Variants in TGFA observed in about 807,000 individuals in gnomAD.
TGFA encodes the protein protransforming growth factor alpha.
In TGFA, 12 loss-of-function variants were observed where a neutral mutation model predicts 21.7. The ratio of observed to expected loss-of-function variants is 0.55; its 90% confidence interval spans 0.35 to 0.90. TGFA has a LOEUF of 0.90. Among genes scored for constraint, TGFA ranks in the 40% least tolerant of loss-of-function variants. TGFA has a pLI of 0.01. For synonymous variants in TGFA, 79 were observed against 88.1 expected (o/e 0.90, Z 0.58); for missense variants, 178 against 210.8 (o/e 0.84, Z 0.96).
At chr2:70,457,613 C>T (rs1553490805) in intron 3 of TGFA, among the ~76,000 whole-genome samples, 1 of 150,990 alleles carries the variant, frequency 6.6e-6, no homozygotes, top group African/African-American at 2.4e-5. Flanking sequence ...GGGATCTCGG[C>T]TCACTGCAAC....
At chr2:70,471,120 C>CA (rs1670735176) in intron 2 of TGFA, among the ~76,000 whole-genome samples, 1 of 149,430 alleles carries the variant, frequency 6.7e-6, no homozygotes, top group East Asian at 2.0e-4. Flanking sequence ...CCCCCCCCAC[C>CA]ATATAACCAA....
intron 1 of TGFA, among the ~76,000 whole-genome samples, chr2:70,525,856 C>T (rs1463142726): frequency 6.6e-6 from 1 of 152,138 alleles, no homozygotes; most frequent in Non-Finnish European, 1.5e-5. Flanking sequence ...GACTAGGGGG[C>T]ACTACTGGTA....
Position 70,512,081 on chromosome 2 carries a change from G to T in TGFA, c.94+2778C>A, listed in dbSNP as rs77357175. Among the ~76,000 whole-genome samples, 494 of 152,224 alleles carry T rather than the reference G, an allele frequency of 3.2e-3. 1 individual carries two copies. Among genetic ancestry groups the T allele is most frequent in the African/African-American group, 0.011 (457 of 41,538 alleles). ...CCAGGGCCTGAGCAGTCCTCTAGGGGACAGGAAGGACACCCTAAAGGAAAG... is the reference window on the plus strand; with the variant it reads ...CCAGGGCCTGAGCAGTCCTCTAGGGTACAGGAAGGACACCCTAAAGGAAAG... On this transcript the variant is annotated intron_variant, in intron 2 of 5. Coordinates refer to ENST00000295400, the MANE Select transcript of TGFA (RefSeq NM_003236.4).
intron 2 of TGFA, among the ~76,000 whole-genome samples, chr2:70,473,593 C>T (rs908194961): frequency 1.1e-4 from 16 of 151,746 alleles, no homozygotes; most frequent in African/African-American, 2.2e-4. Context: ...AGCAGAGTTA[C>T]GGAAAGGGAA....
At chr2:70,479,270 A>G (rs927505407) in intron 2 of TGFA, among the ~76,000 whole-genome samples, 4 of 152,186 alleles carry the variant, frequency 2.6e-5, no homozygotes, top group African/African-American at 9.7e-5. Flanking sequence ...ACGAAATATT[A>G]TATGTCTGAG....
intron 2 of TGFA, among the ~76,000 whole-genome samples, chr2:70,476,996 T>A (rs534151646): frequency 1.3e-5 from 2 of 152,302 alleles, no homozygotes; most frequent in South Asian, 2.1e-4. Flanking sequence ...TATTTTTTTT[T>A]ATAAATTTTC....
At chr2:70,498,061 A>G (rs974459700) in intron 2 of TGFA, among the ~76,000 whole-genome samples, 3 of 152,256 alleles carry the variant, frequency 2.0e-5, no homozygotes, top group East Asian at 3.8e-4. Flanking sequence ...TCCAGTTTAC[A>G]TAACAGTAGC....
At chr2:70,466,529 AC>A (rs1485440937) in intron 2 of TGFA, among the ~76,000 whole-genome samples, 2 of 152,172 alleles carry the variant, frequency 1.3e-5, no homozygotes, top group African/African-American at 4.8e-5. Flanking sequence ...AACCAAAAAA[AC>A]AAACAAACAA....
intron 1 of TGFA, among the ~76,000 whole-genome samples, chr2:70,551,187 G>T (rs545482899): frequency 6.6e-6 from 1 of 152,194 alleles, no homozygotes; most frequent in East Asian, 1.9e-4. Flanking sequence ...AGAAAAACAA[G>T]GCATAGAAAA....
intron 2 of TGFA, among the ~76,000 whole-genome samples, chr2:70,507,117 T>C (rs1553500247): frequency 1.3e-5 from 2 of 152,218 alleles, no homozygotes; most frequent in Non-Finnish European, 2.9e-5. Context: ...GTGTCCCTCA[T>C]GCAAGGCGCC....
At chr2:70,546,345 C>T (rs1673302757) in intron 1 of TGFA, among the ~76,000 whole-genome samples, 1 of 152,020 alleles carries the variant, frequency 6.6e-6, no homozygotes, top group Admixed American at 6.6e-5. Flanking sequence ...TTCAGGGGTA[C>T]ATGTGCAGGT....
At chr2:70,525,248 G>A (rs999163821) in intron 1 of TGFA, among the ~76,000 whole-genome samples, 4 of 152,210 alleles carry the variant, frequency 2.6e-5, no homozygotes, top group African/African-American at 2.4e-5. Flanking sequence ...CCTGCAGAAG[G>A]CATTGTGAGG....
intron 3 of TGFA, among the ~76,000 whole-genome samples, chr2:70,464,933 T>G (rs1240519189): frequency 6.6e-6 from 1 of 152,172 alleles, no homozygotes; most frequent in African/African-American, 2.4e-5. Context: ...TCGAGTGAAT[T>G]TCTTCCCCAA....
chr2:70,512,702 C>G (rs1672139254), intron 2 of TGFA, among the ~76,000 whole-genome samples: 1 of 152,300 alleles, frequency 6.6e-6, no homozygotes, highest in Admixed American at 6.5e-5. Context: ...CCCAAAAGGC[C>G]TAGGCAGGAG....
intron 2 of TGFA, among the ~76,000 whole-genome samples, chr2:70,470,520 G>A (rs1040385833): frequency 6.6e-6 from 1 of 152,204 alleles, no homozygotes; most frequent in Non-Finnish European, 1.5e-5. Flanking sequence ...GTTTTTGAAG[G>A]GGACTTCATG....
chr2:70,515,468 TC>T (rs1553501484), intron 1 of TGFA, among the ~76,000 whole-genome samples: 1 of 152,104 alleles, frequency 6.6e-6, no homozygotes, highest in East Asian at 1.9e-4. Context: ...GGGGTTTCCT[TC>T]CAGCTGGCAG....
chr2:70,466,445 C>A (rs563752925), intron 2 of TGFA, among the ~76,000 whole-genome samples: 1 of 152,236 alleles, frequency 6.6e-6, no homozygotes, highest in African/African-American at 2.4e-5. Flanking sequence ...GGGGCGGAGC[C>A]TGCAGTGAGC....
chr2:70,465,970 C>T lies in TGFA; in HGVS notation c.95-234G>A, dbSNP rs11466242. Among the ~76,000 whole-genome samples, 714 of 152,242 alleles carry T rather than the reference C, an allele frequency of 4.7e-3. 11 individuals are homozygous for T. Among genetic ancestry groups the T allele is most frequent in the African/African-American group, 0.017 (703 of 41,542 alleles). On this transcript the variant is annotated intron_variant, in intron 2 of 5. Coordinates refer to ENST00000295400, the MANE Select transcript of TGFA (RefSeq NM_003236.4). ...TTTTGTAGACAGCAAAACAAATTTC[C>T]CCTCAAACTAACGTAATTCAAAGAC...
chr2:70,522,654 TA>T (rs1226145904), intron 1 of TGFA, among the ~76,000 whole-genome samples: 1 of 152,084 alleles, frequency 6.6e-6, no homozygotes, highest in African/African-American at 2.4e-5. Context: ...AGGCTGGTCT[TA>T]AACTCCCGAC....
Sources: allele counts gnomAD v4.1 joint callset (sites outside exome capture counted in the v4.1 genomes callset), GRCh38; gene constraint gnomAD v4.1.1; transcripts MANE v1.5; gene names NCBI Gene and HGNC (gene_info 2026-07-23, HGNC 2026-07-21).